ADCY8: variants seen among roughly 807,000 people sequenced by gnomAD.
ADCY8 encodes adenylate cyclase type 8.
A neutral mutation model predicts 119.7 loss-of-function variants in ADCY8; 51 were observed. The ratio of observed to expected loss-of-function variants is 0.43; its 90% CI spans 0.34 to 0.54. ADCY8 has a LOEUF of 0.54. ADCY8 is among the 20% of genes least tolerant of loss of function. The pLI is 0.03. For missense variants in ADCY8, 1,383 were observed against 1,598.8 expected, an observed-to-expected ratio of 0.87 and a Z score of 2.30; for synonymous variants, 665 against 651.0, an observed-to-expected ratio of 1.02 and a Z score of -0.33.
intron 7 of ADCY8, among the ~76,000 whole-genome samples, chr8:130,888,241 G>A (rs995003018): frequency 2.6e-5 from 4 of 151,256 alleles, no homozygotes; most frequent in South Asian, 2.1e-4. Flanking sequence ...ATATTTGAAC[G>A]TATGCTTCAA....
At chr8:130,932,898 A>T (rs1820675660) in intron 5 of ADCY8, among the ~76,000 whole-genome samples, 1 of 152,166 alleles carries the variant, frequency 6.6e-6, no homozygotes, top group Non-Finnish European at 1.5e-5. Flanking sequence ...TGAGTAAGAG[A>T]CTAGGGTCAT....
intron 2 of ADCY8, among the ~76,000 whole-genome samples, chr8:130,966,663 T>A (rs755482019): frequency 7.2e-5 from 11 of 152,212 alleles, no homozygotes; most frequent in African/African-American, 7.2e-5. Context: ...ATAATGCACA[T>A]GATCCTGAAG....
intron 2 of ADCY8, among the ~76,000 whole-genome samples, chr8:130,955,523 C>T (rs185077154): frequency 2.8e-4 from 42 of 152,168 alleles, no homozygotes; most frequent in East Asian, 5.8e-4. Flanking sequence ...TACAGTTAAA[C>T]AAAACATACA....
chr8:130,875,058 GA>G (rs1818510593), intron 8 of ADCY8, among the ~76,000 whole-genome samples: 1 of 152,146 alleles, frequency 6.6e-6, no homozygotes, highest in African/African-American at 2.4e-5. Flanking sequence ...TTCTGACTCT[GA>G]AAATGCTGGC....
intron 13 of ADCY8, among the ~76,000 whole-genome samples, chr8:130,816,926 T>TAATA (rs1412021185): frequency 2.0e-5 from 3 of 152,134 alleles, no homozygotes; most frequent in Non-Finnish European, 4.4e-5. Context: ...CTAAATCTAT[T>TAATA]ATCAAAAAAC....
intron 9 of ADCY8, among the ~76,000 whole-genome samples, chr8:130,866,612 C>T (rs567970194): frequency 2.0e-5 from 3 of 152,192 alleles, no homozygotes; most frequent in African/African-American, 7.2e-5. Context: ...TTTTTCCTCT[C>T]TCATCTTAGT....
At chr8:130,835,105 CT>C (rs1290655745) in intron 12 of ADCY8, among the ~76,000 whole-genome samples, 1 of 152,110 alleles carries the variant, frequency 6.6e-6, no homozygotes, top group African/African-American at 2.4e-5. Context: ...TGGCCTTATT[CT>C]TTTCCTTTGA....
intron 2 of ADCY8, among the ~76,000 whole-genome samples, chr8:130,954,957 G>A (rs956805027): frequency 6.6e-6 from 1 of 152,188 alleles, no homozygotes; most frequent in Non-Finnish European, 1.5e-5. Flanking sequence ...TGAGGGACGA[G>A]TTTCTAAGGA....
At chr8:130,807,144 C>A (rs530661253) in intron 14 of ADCY8, among the ~76,000 whole-genome samples, 3 of 152,314 alleles carry the variant, frequency 2.0e-5, no homozygotes, top group Non-Finnish European at 4.4e-5. Context: ...CCGTCGCACA[C>A]CTGCATATGT....
intron 1 of ADCY8, among the ~76,000 whole-genome samples, chr8:131,011,921 C>T (rs975101442): frequency 7.9e-5 from 12 of 152,102 alleles, no homozygotes; most frequent in African/African-American, 2.9e-4. Flanking sequence ...ATAGTGGACA[C>T]ACTAAATCAA....
chr8:130,831,983 A>G (rs887315963), intron 12 of ADCY8, among the ~76,000 whole-genome samples: 6 of 152,194 alleles, frequency 3.9e-5, no homozygotes, highest in Non-Finnish European at 1.5e-5. Flanking sequence ...CATAGGGACT[A>G]TTATTATTCC....
intron 17 of ADCY8, 68 bp from the exon 18 acceptor site, chr8:130,780,945 C>T: frequency 1.3e-6 from 2 of 1,565,466 alleles, no homozygotes; most frequent in East Asian, 4.5e-5. Flanking sequence ...TTGGACCCCT[C>T]CCTGGGACAG....
At chr8:130,925,110 C>T (rs932043661) in intron 5 of ADCY8, among the ~76,000 whole-genome samples, 5 of 151,800 alleles carry the variant, frequency 3.3e-5, no homozygotes, top group Non-Finnish European at 2.9e-5. Context: ...GAGGCTGAGG[C>T]AGGAGAATTG....
At chr8:130,989,094 CTTAAAG>C (rs1251765255) in intron 2 of ADCY8, among the ~76,000 whole-genome samples, 2 of 152,202 alleles carry the variant, frequency 1.3e-5, no homozygotes, top group East Asian at 3.8e-4. Context: ...TGTCTTCTTT[CTTAAAG>C]TTATTTTTCT....
chr8:131,011,406 G>C (rs1823298651), intron 1 of ADCY8, among the ~76,000 whole-genome samples: 1 of 152,146 alleles, frequency 6.6e-6, no homozygotes, highest in Non-Finnish European at 1.5e-5. Context: ...ATTGCATCTA[G>C]AGTGCTTTAT....
At chr8:130,851,171 G>T (rs1177299410) in intron 9 of ADCY8, among the ~76,000 whole-genome samples, 1 of 152,050 alleles carries the variant, frequency 6.6e-6, no homozygotes, top group Non-Finnish European at 1.5e-5. Context: ...TTCTTCCCAG[G>T]TATACAGTGG....
At chr8:130,977,726 G>T (rs527964955) in intron 2 of ADCY8, among the ~76,000 whole-genome samples, 3 of 152,218 alleles carry the variant, frequency 2.0e-5, no homozygotes, top group Admixed American at 2.0e-4. Flanking sequence ...TTGAGGCACA[G>T]AGAGGTTAGG....
intron 9 of ADCY8, among the ~76,000 whole-genome samples, chr8:130,853,663 G>GC (rs931554809): frequency 6.6e-6 from 1 of 151,936 alleles, no homozygotes; most frequent in Non-Finnish European, 1.5e-5. Flanking sequence ...TATCTATAGG[G>GC]CTGTGTGGGA....
chr8:130,825,291 C>G (rs992623838), intron 12 of ADCY8, among the ~76,000 whole-genome samples: 1 of 152,172 alleles, frequency 6.6e-6, no homozygotes, highest in Non-Finnish European at 1.5e-5. Context: ...ACATACTCCT[C>G]TTATCTAGTT....
Sources: allele counts gnomAD v4.1 joint callset (sites outside exome capture counted in the v4.1 genomes callset), GRCh38; gene constraint gnomAD v4.1.1; transcripts MANE v1.5; gene names NCBI Gene and HGNC (gene_info 2026-07-23, HGNC 2026-07-21).